ISM1: variants seen among roughly 807,000 people sequenced by gnomAD.
ISM1 encodes isthmin-1.
In ISM1, 25 loss-of-function variants were observed where a neutral mutation model predicts 46.3. The observed-to-expected ratio is 0.54, with a 90% CI of 0.39 to 0.75. ISM1 has a LOEUF of 0.75. ISM1 is among the 30% of genes least tolerant of loss of function. The probability of loss-of-function intolerance (pLI) is 0.00; values close to 1 mark genes in which losing one functional copy is unlikely to be tolerated. For missense variants in ISM1, 536 were observed against 625.4 expected, an observed-to-expected ratio of 0.86 and a Z score of 1.52; for synonymous variants, 255 against 256.7, an observed-to-expected ratio of 0.99 and a Z score of 0.06.
At chr20:13,232,721 T>C (rs573950629) in intron 1 of ISM1, among the ~76,000 whole-genome samples, 15 of 152,332 alleles carry the variant, frequency 9.8e-5, no homozygotes, top group Admixed American at 2.6e-4. Context: ...TTTGGTGCAC[T>C]CACATAAAGT....
chr20:13,274,657 C>G (rs2040156540), intron 2 of ISM1, among the ~76,000 whole-genome samples: 1 of 150,068 alleles, frequency 6.7e-6, no homozygotes, highest in Non-Finnish European at 1.5e-5. Context: ...GTCCCGCCCC[C>G]TCTCCACTCC....
chr20:13,259,681 G>A (rs923188483), intron 1 of ISM1, among the ~76,000 whole-genome samples: 3 of 152,170 alleles, frequency 2.0e-5, no homozygotes, highest in African/African-American at 7.2e-5. Context: ...CTGAGTTATT[G>A]TTTCTACTAG....
chr20:13,295,059 TCACCCTGACCGTGTGATTTC>T (rs2040393692), intron 5 of ISM1, among the ~76,000 whole-genome samples: 1 of 152,096 alleles, frequency 6.6e-6, no homozygotes, highest in African/African-American at 2.4e-5. Flanking sequence ...CAGCTGCCCC[TCACCCTGACCGTGTGATTTC>T]CACCCACACC....
At chr20:13,319,302 T>C in the ISM1 span, among the ~76,000 whole-genome samples, 1 of 152,080 alleles carries the variant, frequency 6.6e-6, no homozygotes. Context: ...TCCTGCTGCA[T>C]GAACTAGACA....
chr20:13,265,877 G>A (rs921375282), intron 1 of ISM1, among the ~76,000 whole-genome samples: 7 of 152,174 alleles, frequency 4.6e-5, no homozygotes, highest in African/African-American at 1.7e-4. Context: ...CAGGACCAGC[G>A]TGATAGCTCC....
intron 1 of ISM1, among the ~76,000 whole-genome samples, chr20:13,227,994 T>TAGCTCTGTTGCCCAGGCTGGAGTCC: frequency 6.9e-6 from 1 of 145,766 alleles, no homozygotes; most frequent in Admixed American, 6.8e-5. Flanking sequence ...AGATGGAGTC[T>TAGCTCTGTTGCCCAGGCTGGAGTCC]AGCTCTGTTG....
intron 3 of ISM1, among the ~76,000 whole-genome samples, chr20:13,284,570 C>T (rs1427690051): frequency 1.3e-5 from 2 of 152,224 alleles, no homozygotes; most frequent in African/African-American, 4.8e-5. Context: ...GAAAGGAGCA[C>T]TGCCCTCAAT....
chr20:13,310,102 T>C, the ISM1 span, among the ~76,000 whole-genome samples: 1 of 152,124 alleles, frequency 6.6e-6, no homozygotes. Context: ...CCAAAATTCA[T>C]ATGGAAGCAC....
At chr20:13,258,615 G>A (rs2039953295) in intron 1 of ISM1, among the ~76,000 whole-genome samples, 1 of 152,028 alleles carries the variant, frequency 6.6e-6, no homozygotes, top group Admixed American at 6.5e-5. Flanking sequence ...CCAAAAGAAA[G>A]CCTCTGAGAA....
At chr20:13,301,656 G>A (rs746524583), downstream of ISM1, among the ~76,000 whole-genome samples, 30 of 152,230 alleles carry the variant, frequency 2.0e-4, no homozygotes, top group African/African-American at 2.6e-4. Context: ...CAATGCGTCC[G>A]TGTATCAGGC....
downstream of ISM1, among the ~76,000 whole-genome samples, chr20:13,304,867 C>T (rs77854362): frequency 4.2e-3 from 643 of 152,238 alleles, 4 homozygotes; most frequent in African/African-American, 0.015. Context: ...CTTGCCTTCC[C>T]CATCTCTCTT....
In ISM1 at chr20:13,221,581, C is replaced by T. The variant is rs2039447860; in HGVS notation, c.-196C>T. ...GCGGCGGCGGCGGCGGCGGCGCCGG[C>T]AGCTCCTGCTCCCCCGGCCCCGCAC... On this transcript the variant is annotated 5_prime_UTR_variant, in exon 1 of 6. An upstream open reading frame in the 5' UTR gains an earlier in-frame stop. Coordinates refer to ENST00000262487, the MANE Select transcript of ISM1 (RefSeq NM_080826.2). Among the ~76,000 whole-genome samples, 1 of 145,630 alleles carries T rather than the reference C, an allele frequency of 6.9e-6. No individual in the cohort carries two copies.
chr20:13,247,365 G>A (rs1329517460), intron 1 of ISM1, among the ~76,000 whole-genome samples: 2 of 152,146 alleles, frequency 1.3e-5, no homozygotes, highest in African/African-American at 4.8e-5. Flanking sequence ...AAGTGTCAGC[G>A]TGTCCCTTCC....
Position 13,299,761 on chromosome 20 carries a change from A to C in ISM1, c.*302A>C, listed in dbSNP as rs541737173. On this transcript the variant is annotated 3_prime_UTR_variant, in exon 6 of 6. Transcript: ENST00000262487. This position sits in a 1 kb window ranked among gnomAD's most constrained non-coding sequence, Gnocchi z 5.8. ...TGGAAGCCACAGTGGGTGCGACTCAATTCACACCCGGATCCAGAGTTTCAA... is the reference window on the plus strand; with the variant it reads ...TGGAAGCCACAGTGGGTGCGACTCACTTCACACCCGGATCCAGAGTTTCAA... 5.1e-5 allele frequency: 15 copies of C among 291,890 alleles called. No homozygotes were observed. Among genetic ancestry groups the C allele is most frequent in the South Asian group, 1.0e-4 (1 of 9,782 alleles). The allele number at this position is 291,890 out of a possible 1,614,324, so 18.1% of individuals were successfully genotyped here. A position where few individuals can be genotyped will look rare whatever the true frequency, so the allele number is the denominator to read the frequency against.
At chr20:13,275,166 A>T (rs1379184062) in intron 2 of ISM1, among the ~76,000 whole-genome samples, 2 of 152,150 alleles carry the variant, frequency 1.3e-5, no homozygotes, top group African/African-American at 2.4e-5. Context: ...ATTCATTTCA[A>T]CCCATATATT....
Position 13,258,501 on chromosome 20 carries a change from C to T in ISM1, c.139-12003C>T, listed in dbSNP as rs2039952158. On this transcript the variant is annotated intron_variant, in intron 1 of 5. Transcript: ENST00000262487. Reference sequence around the variant, plus strand: ...ACCCACTTGGAGGGTGCCATTCATTCCCTGCTCAGACTCAAACTGATACAT... The same window carrying T: ...ACCCACTTGGAGGGTGCCATTCATTTCCTGCTCAGACTCAAACTGATACAT... 2.0e-5 allele frequency among the ~76,000 whole-genome samples: 3 copies of T among 152,280 alleles called. No homozygotes were observed. In the South Asian group the frequency reaches 6.2e-4, roughly 32 times the overall value.
At chr20:13,322,244 G>C in the ISM1 span, among the ~76,000 whole-genome samples, 33 of 152,290 alleles carry the variant, frequency 2.2e-4, no homozygotes, top group East Asian at 1.7e-3. Flanking sequence ...GTACTCCCAA[G>C]AGTGAGGCAG....
At chr20:13,305,523 G>A (rs1404389354), downstream of ISM1, among the ~76,000 whole-genome samples, 1 of 152,200 alleles carries the variant, frequency 6.6e-6, no homozygotes, top group African/African-American at 2.4e-5. Flanking sequence ...ATTTCCAATG[G>A]AAAAATGTGT....
chr20:13,288,471 G>A, intron 3 of ISM1, 69 bp from the exon 4 acceptor site: 1 of 1,514,328 alleles, frequency 6.6e-7, no homozygotes, highest in Non-Finnish European at 9.1e-7. Context: ...TAATTGACAG[G>A]CTGCTTGATG....
Sources: gnomAD v4.1 joint callset for allele counts (sites outside exome capture counted in the v4.1 genomes callset) on GRCh38, gnomAD v4.1.1 for gene constraint, Gnocchi (gnomAD v3.1) non-coding constraint, MANE v1.5 for transcripts, NCBI Gene and HGNC (gene_info 2026-07-23, HGNC 2026-07-21) for gene names.